Variants in DPYSL5 observed in about 807,000 individuals in gnomAD.
DPYSL5 encodes dihydropyrimidinase-related protein 5.
In DPYSL5, 9 loss-of-function variants were observed where a neutral mutation model predicts 58.4. The ratio of observed to expected loss-of-function variants is 0.15; its 90% CI spans 0.09 to 0.27. The LOEUF is 0.27. DPYSL5 is among the 10% of genes least tolerant of loss of function. The probability of loss-of-function intolerance (pLI) is 1.00; values close to 1 mark genes in which losing one functional copy is unlikely to be tolerated. For synonymous variants in DPYSL5, 293 were observed against 301.9 expected (o/e 0.97, Z 0.31); for missense variants, 499 against 770.6 (o/e 0.65, Z 4.17).
intron 1 of DPYSL5, among the ~76,000 whole-genome samples, chr2:26,875,153 T>G (rs543001488): frequency 1.2e-4 from 18 of 152,298 alleles, no homozygotes; most frequent in Admixed American, 5.9e-4. Context: ...ACGGATCACT[T>G]GATTAACTGC....
Position 26,942,893 on chromosome 2 carries a change from T to G in DPYSL5, c.1440+143T>G, listed in dbSNP as rs1483228599. 3.1e-6 allele frequency: 3 copies of G among 952,616 alleles called. No homozygotes were observed. In the East Asian group the frequency reaches 8.0e-5, roughly 25 times the overall value. 59.0% of individuals were successfully genotyped at this position (952,616 alleles called of 1,614,324 possible). Reference sequence around the variant, plus strand: ...ACTTTCTCCAGCGTTGAGAGGGGAGTGTGCGGCAGCGCCAGGGAACGCTAG... The same window carrying G: ...ACTTTCTCCAGCGTTGAGAGGGGAGGGTGCGGCAGCGCCAGGGAACGCTAG... On this transcript the variant is annotated intron_variant, in intron 11 of 12. Transcript: ENST00000288699. This position sits in a 1 kb window ranked among gnomAD's most constrained non-coding sequence, Gnocchi z 5.9.
In DPYSL5 at chr2:26,866,277, G is replaced by A. The variant is rs116174031; in HGVS notation, c.-5+18023G>A. On this transcript the variant is annotated intron_variant, in intron 1 of 12. Transcript: ENST00000288699. ...ACATAAAACATCTAGTCCTGTGCATGACACATAATAGAGGCTCAGTAAATT... is the reference window on the plus strand; with the variant it reads ...ACATAAAACATCTAGTCCTGTGCATAACACATAATAGAGGCTCAGTAAATT... Among the ~76,000 whole-genome samples the A allele has an allele frequency of 2.3e-3, 347 of 152,328 alleles. 1 individual carries two copies. The highest frequency in any genetic ancestry group is 6.5e-3 in the African/African-American group (272 of 41,582).
intron 5 of DPYSL5, among the ~76,000 whole-genome samples, chr2:26,930,338 T>C (rs184459334): frequency 0.015 from 2,274 of 152,260 alleles, 36 homozygotes; most frequent in South Asian, 0.045. Context: ...CCATTATCTA[T>C]TGGTTAAAGG....
At chr2:26,930,036 G>A (rs559691468) in intron 5 of DPYSL5, among the ~76,000 whole-genome samples, 1 of 152,340 alleles carries the variant, frequency 6.6e-6, no homozygotes, top group East Asian at 1.9e-4. Flanking sequence ...ACAGGATGTG[G>A]TGGCACTGCC....
chr2:26,933,343 T>C lies in DPYSL5; in HGVS notation c.790+10T>C. Reference sequence around the variant, plus strand: ...GCTGCTAAGATGCAAGGTGAGTCCATAGACTTGGCTGGACAGAGCAGGTCA... The same window carrying C: ...GCTGCTAAGATGCAAGGTGAGTCCACAGACTTGGCTGGACAGAGCAGGTCA... On this transcript the variant is annotated intron_variant, in intron 7 of 12. Transcript: ENST00000288699. The surrounding 1 kb of genome is among the most constrained non-coding windows in gnomAD (Gnocchi z 4.2). The C allele has an allele frequency of 6.2e-7, 1 of 1,613,498 alleles. No individual in the cohort carries two copies. The highest frequency in any genetic ancestry group is 2.2e-5 in the East Asian group (1 of 44,870).
chr2:26,932,045 AAAGG>A (rs1297420882), intron 6 of DPYSL5, among the ~76,000 whole-genome samples: 5 of 63,800 alleles, frequency 7.8e-5, no homozygotes, highest in African/African-American at 3.4e-4. Context: ...GAAAAGAAAG[AAAGG>A]AAAGAAAGAA....
At chr2:26,907,918 G>A (rs558936187) in intron 2 of DPYSL5, among the ~76,000 whole-genome samples, 7 of 152,268 alleles carry the variant, frequency 4.6e-5, no homozygotes, top group South Asian at 4.1e-4. Context: ...CGGTGTAGTC[G>A]ACATCCAAGA....
At chr2:26,922,738 G>T (rs1376207633) in intron 2 of DPYSL5, among the ~76,000 whole-genome samples, 1 of 152,206 alleles carries the variant, frequency 6.6e-6, no homozygotes, top group African/African-American at 2.4e-5. Flanking sequence ...ACAAAATAGA[G>T]TACAACCACC....
chr2:26,928,551 A>G lies in DPYSL5; in HGVS notation c.669+228A>G, dbSNP rs77215161. Among the ~76,000 whole-genome samples the G allele has an allele frequency of 2.5e-3, 379 of 150,844 alleles. 14 individuals carry two copies. In the East Asian group the frequency reaches 0.06, roughly 24 times the overall value. ...CTCTACTAAAAATACAAAAAAAATTAGCTGGGCATAGTGGTGCATGCCTGT... is the reference window on the plus strand; with the variant it reads ...CTCTACTAAAAATACAAAAAAAATTGGCTGGGCATAGTGGTGCATGCCTGT... On this transcript the variant is annotated intron_variant, in intron 5 of 12. Transcript: ENST00000288699.
chr2:26,879,102 C>T (rs946807076), intron 1 of DPYSL5, among the ~76,000 whole-genome samples: 1 of 152,178 alleles, frequency 6.6e-6, no homozygotes, highest in Non-Finnish European at 1.5e-5. Context: ...AACCCTGCCT[C>T]CATGATCTGA....
chr2:26,921,518 G>C (rs1424040128), intron 2 of DPYSL5, among the ~76,000 whole-genome samples: 1 of 152,080 alleles, frequency 6.6e-6, no homozygotes, highest in Non-Finnish European at 1.5e-5. Flanking sequence ...GCTGTTTTGT[G>C]GGGGATGACA....
At chr2:26,901,508 T>C (rs1157734624) in intron 2 of DPYSL5, among the ~76,000 whole-genome samples, 1 of 152,062 alleles carries the variant, frequency 6.6e-6, no homozygotes, top group African/African-American at 2.4e-5. Flanking sequence ...GAAACGCTGA[T>C]GGGGACGGGT....
At chr2:26,906,462 G>A (rs1016528195) in intron 2 of DPYSL5, among the ~76,000 whole-genome samples, 4 of 152,094 alleles carry the variant, frequency 2.6e-5, no homozygotes, top group African/African-American at 9.7e-5. Context: ...GATTACAGGC[G>A]TTAGCCACCG....
At chr2:26,894,453 C>G (rs1663963399) in intron 1 of DPYSL5, among the ~76,000 whole-genome samples, 2 of 152,206 alleles carry the variant, frequency 1.3e-5, no homozygotes, top group Admixed American at 6.5e-5. Flanking sequence ...TCTCTTTCCT[C>G]TTTGGCAAGG....
rs914431024 is a variant in DPYSL5, at chr2:26,949,699, C to T, written c.*2704C>T. 4 of 152,356 alleles carry T rather than the reference C, an allele frequency of 2.6e-5. No individual in the cohort carries two copies. The highest frequency in any genetic ancestry group is 9.6e-5 in the African/African-American group (4 of 41,558). The allele number at this position is 152,356 out of a possible 1,614,324, so 9.4% of individuals were successfully genotyped here. A position where few individuals can be genotyped will look rare whatever the true frequency, so the allele number is the denominator to read the frequency against. On this transcript the variant is annotated 3_prime_UTR_variant, in exon 13 of 13. Coordinates refer to ENST00000288699, the MANE Select transcript of DPYSL5 (RefSeq NM_020134.4). Reference sequence around the variant, plus strand: ...GTGGTCCACTGTAGGCCATGCGCTTCATCCACCCCCAGTCCCTACATAGGC... The same window carrying T: ...GTGGTCCACTGTAGGCCATGCGCTTTATCCACCCCCAGTCCCTACATAGGC...
At chr2:26,946,171 C>T (rs1009416643) in intron 12 of DPYSL5, among the ~76,000 whole-genome samples, 1 of 152,214 alleles carries the variant, frequency 6.6e-6, no homozygotes, top group African/African-American at 2.4e-5. Context: ...GCAGCCAGAC[C>T]CACGAGAGGC....
chr2:26,859,026 G>A (rs1665948339), intron 1 of DPYSL5, among the ~76,000 whole-genome samples: 1 of 152,060 alleles, frequency 6.6e-6, no homozygotes, highest in East Asian at 1.9e-4. Flanking sequence ...TTACAGAGTT[G>A]TTACCATGGC....
chr2:26,936,872 G>A (rs1430567839), intron 8 of DPYSL5, among the ~76,000 whole-genome samples: 1 of 145,768 alleles, frequency 6.9e-6, no homozygotes, highest in Non-Finnish European at 1.5e-5. Context: ...CTTGAACCCA[G>A]GAGGCGGAGG....
Position 26,943,968 on chromosome 2 carries a change from A to G in DPYSL5, c.1441-688A>G, listed in dbSNP as rs377345944. ...TCGTGGGAGCCTAAGGTGGGGAATAACGTTGCGCTGTGTGGGAGGGCGCTC... is the reference window on the plus strand; with the variant it reads ...TCGTGGGAGCCTAAGGTGGGGAATAGCGTTGCGCTGTGTGGGAGGGCGCTC... On this transcript the variant is annotated intron_variant, in intron 11 of 12. Coordinates refer to ENST00000288699, the MANE Select transcript of DPYSL5 (RefSeq NM_020134.4). Among the ~76,000 whole-genome samples, 142 of 152,240 alleles carry G rather than the reference A, an allele frequency of 9.3e-4. 2 individuals carry two copies. The highest frequency in any genetic ancestry group is 3.2e-3 in the African/African-American group (134 of 41,536).
Sources: gnomAD v4.1 joint callset for allele counts (sites outside exome capture counted in the v4.1 genomes callset) on GRCh38, gnomAD v4.1.1 for gene constraint, Gnocchi (gnomAD v3.1) non-coding constraint, MANE v1.5 for transcripts, NCBI Gene and HGNC (gene_info 2026-07-23, HGNC 2026-07-21) for gene names.